The following PRDM5 variants were observed in gnomAD, a reference collection of about 807,000 sequenced individuals.
PRDM5 encodes the protein PR domain zinc finger protein 5.
PRDM5 carries 56 observed loss-of-function variants against 81.2 expected under a neutral mutation model. The ratio of observed to expected loss-of-function variants is 0.69; its 90% CI spans 0.56 to 0.86. The LOEUF (loss-of-function observed/expected upper bound fraction) is 0.86, where lower values mean the gene tolerates loss of function less well. Among genes scored for constraint, PRDM5 ranks in the 40% least tolerant of loss-of-function variants. The probability of loss-of-function intolerance (pLI) is 0.00; values close to 1 mark genes in which losing one functional copy is unlikely to be tolerated. For synonymous variants in PRDM5, 267 were observed against 256.4 expected (o/e 1.04, Z -0.39); for missense variants, 697 against 770.1 (o/e 0.91, Z 1.12).
At position 120,907,467 on chromosome 4, in the gene PRDM5, T is replaced by C. The variant is rs1425559853; in HGVS notation, c.177+7A>G. The C allele has an allele frequency of 3.2e-6, 5 of 1,582,194 alleles. No individual in the cohort carries two copies. The highest frequency in any genetic ancestry group is 1.7e-5 in the Admixed American group (1 of 59,938). ...ATTTTTAACATTAAAATAAGTCATA[T>C]CCTCACCTCCCACATCAACCTGTAA... On this transcript the variant is annotated splice_region_variant and intron_variant, in intron 2 of 15. Coordinates refer to ENST00000264808, the MANE Select transcript of PRDM5 (RefSeq NM_018699.4).
chr4:120,910,947 T>C (rs1766435051), intron 1 of PRDM5, among the ~76,000 whole-genome samples: 1 of 152,210 alleles, frequency 6.6e-6, no homozygotes, highest in African/African-American at 2.4e-5. Context: ...CTGTCCGCTC[T>C]TCCATTTTCT....
downstream of PRDM5, among the ~76,000 whole-genome samples, chr4:120,689,155 G>A (rs565683778): frequency 6.6e-6 from 1 of 152,264 alleles, no homozygotes; most frequent in Admixed American, 6.5e-5. Context: ...CACATACTTA[G>A]TCTAATAGTA....
intron 1 of PRDM5, among the ~76,000 whole-genome samples, chr4:120,914,598 G>A (rs1327277509): frequency 2.6e-5 from 4 of 152,168 alleles, no homozygotes; most frequent in African/African-American, 9.7e-5. Context: ...ATGGTGGAAG[G>A]CAAAAGAGAA....
chr4:120,772,521 G>T (rs531237075), intron 13 of PRDM5, among the ~76,000 whole-genome samples: 1 of 152,142 alleles, frequency 6.6e-6, no homozygotes, highest in Admixed American at 6.5e-5. Flanking sequence ...TTGCAGCGGC[G>T]GCAGCAGCAG....
intron 15 of PRDM5, among the ~76,000 whole-genome samples, chr4:120,701,640 G>A (rs1188812063): frequency 6.6e-6 from 1 of 152,070 alleles, no homozygotes; most frequent in East Asian, 1.9e-4. Context: ...ACATAAAGGT[G>A]GTAACAATAG....
At chr4:120,770,325 G>A (rs1484104651) in intron 13 of PRDM5, among the ~76,000 whole-genome samples, 2 of 152,098 alleles carry the variant, frequency 1.3e-5, no homozygotes. Context: ...CACCGCACCC[G>A]ACCCCTATTT....
chr4:120,890,870 T>C (rs1168601764), intron 2 of PRDM5, among the ~76,000 whole-genome samples: 1 of 152,200 alleles, frequency 6.6e-6, no homozygotes, highest in African/African-American at 2.4e-5. Flanking sequence ...TTCTGGATAT[T>C]AGAATTTTGT....
At chr4:120,796,685 T>C (rs556882593) in intron 10 of PRDM5, among the ~76,000 whole-genome samples, 1 of 152,280 alleles carries the variant, frequency 6.6e-6, no homozygotes, top group South Asian at 2.1e-4. Context: ...GCAGAGACGA[T>C]TTAAGACACT....
At chr4:120,732,046 T>A (rs1309990961) in intron 14 of PRDM5, among the ~76,000 whole-genome samples, 1 of 152,172 alleles carries the variant, frequency 6.6e-6, no homozygotes, top group African/African-American at 2.4e-5. Context: ...TCTGATGAGG[T>A]GTTCAAATTA....
At position 120,821,304 on chromosome 4, in the gene PRDM5, T is replaced by G. The variant is rs146228268; in HGVS notation, c.342A>C (p.Glu114Asp). Residue 114 changes from glutamate to aspartate, a missense_variant, in exon 4 of 16, where the codon GAA becomes GAC. Transcript: ENST00000264808. ...NIFYLAVEDI[E>D]TDTELLIGYL... ...AGCCAATCAGAAGCTCCGTGTCTGTTTCTATATCTTCAACTGCCAAATAGA... is the reference window on the plus strand; with the variant it reads ...AGCCAATCAGAAGCTCCGTGTCTGTGTCTATATCTTCAACTGCCAAATAGA... 381 of 1,614,106 alleles carry G rather than the reference T, an allele frequency of 2.4e-4. 2 individuals are homozygous for G. In the East Asian group the frequency reaches 7.7e-3, roughly 33 times the overall value.
At chr4:120,804,701 G>C (rs1752653379) in intron 8 of PRDM5, among the ~76,000 whole-genome samples, 1 of 152,208 alleles carries the variant, frequency 6.6e-6, no homozygotes, top group Admixed American at 6.5e-5. Context: ...ATTTAAAGTA[G>C]TGTGTAGAGG....
chr4:120,846,288 C>T (rs1429916750), intron 3 of PRDM5, among the ~76,000 whole-genome samples: 1 of 152,182 alleles, frequency 6.6e-6, no homozygotes, highest in Non-Finnish European at 1.5e-5. Context: ...GCATGCTACA[C>T]AGAAACCTTT....
intron 13 of PRDM5, among the ~76,000 whole-genome samples, chr4:120,760,604 A>G (rs1745463882): frequency 6.6e-6 from 1 of 152,218 alleles, no homozygotes; most frequent in African/African-American, 2.4e-5. Context: ...AATAACACTG[A>G]AAGCCACAGT....
intron 2 of PRDM5, among the ~76,000 whole-genome samples, chr4:120,878,238 T>G (rs926497541): frequency 3.9e-5 from 6 of 152,162 alleles, no homozygotes; most frequent in African/African-American, 1.2e-4. Flanking sequence ...TAAAAAGTAC[T>G]CTGTAGAAAT....
chr4:120,860,936 C>A (rs754859561), intron 2 of PRDM5, among the ~76,000 whole-genome samples: 2 of 152,138 alleles, frequency 1.3e-5, no homozygotes, highest in Non-Finnish European at 2.9e-5. Flanking sequence ...TTTTATGAAG[C>A]CTTAGCGTTG....
chr4:120,754,247 C>T (rs1175194694), intron 14 of PRDM5, among the ~76,000 whole-genome samples: 2 of 152,090 alleles, frequency 1.3e-5, no homozygotes, highest in Non-Finnish European at 2.9e-5. Flanking sequence ...GCAAGAAAAA[C>T]CTTTAAATAT....
intron 3 of PRDM5, among the ~76,000 whole-genome samples, chr4:120,839,964 G>A (rs368946267): frequency 7.9e-5 from 12 of 152,340 alleles, no homozygotes; most frequent in Non-Finnish European, 1.2e-4. Context: ...GACAGCAACC[G>A]GGCTCAGCCC....
intron 3 of PRDM5, among the ~76,000 whole-genome samples, chr4:120,839,934 T>G (rs1732536344): frequency 6.6e-6 from 1 of 152,180 alleles, no homozygotes; most frequent in African/African-American, 2.4e-5. Flanking sequence ...CCCAGGTGTA[T>G]GCACCCCCAG....
chr4:120,921,865 TA>T (rs976326279), intron 1 of PRDM5, among the ~76,000 whole-genome samples: 59 of 143,814 alleles, frequency 4.1e-4, no homozygotes, highest in Admixed American at 5.5e-4. Flanking sequence ...GGAGACAAAT[TA>T]AAAAAAAAAA....
Sources: gnomAD v4.1 joint callset for allele counts (sites outside exome capture counted in the v4.1 genomes callset) on GRCh38, gnomAD v4.1.1 for gene constraint, MANE v1.5 for transcripts, NCBI Gene and HGNC (gene_info 2026-07-23, HGNC 2026-07-21) for gene names.